The following PTCHD1 variants were observed in gnomAD, a reference collection of about 807,000 sequenced individuals.
The protein encoded by PTCHD1 is patched domain-containing protein 1.
In PTCHD1, 3 loss-of-function variants were observed where a neutral mutation model predicts 34.6. The ratio of observed to expected loss-of-function variants is 0.09; its 90% CI spans 0.04 to 0.22. PTCHD1 has a LOEUF of 0.22. PTCHD1 is among the 10% of genes least tolerant of loss of function. PTCHD1 has a pLI of 1.00. For missense variants in PTCHD1, 504 were observed against 685.5 expected, an observed-to-expected ratio of 0.74 and a Z score of 2.96; for synonymous variants, 305 against 283.1, an observed-to-expected ratio of 1.08 and a Z score of -0.77.
At chrX:23,337,375 A>G (rs1174504780) in intron 1 of PTCHD1, among the ~76,000 whole-genome samples, 1 of 111,986 alleles carries the variant, frequency 8.9e-6, no homozygotes, top group Non-Finnish European at 1.9e-5. Context: ...TACGGAACCA[A>G]GGAAATAACT....
chrX:23,388,890 G>C (rs765002171), intron 2 of PTCHD1, among the ~76,000 whole-genome samples: 26 of 111,393 alleles, frequency 2.3e-4, no homozygotes, highest in Admixed American at 7.5e-4. Flanking sequence ...TCCACTGAAA[G>C]AGGAAAGTGG....
At chrX:23,389,371 C>A (rs1922767635) in intron 2 of PTCHD1, among the ~76,000 whole-genome samples, 1 of 111,924 alleles carries the variant, frequency 8.9e-6, no homozygotes, top group South Asian at 3.7e-4. Flanking sequence ...CCAGGCACTC[C>A]AGGCTGTTAA....
intron 1 of PTCHD1, among the ~76,000 whole-genome samples, chrX:23,354,298 T>G (rs1386653721): frequency 9.1e-6 from 1 of 109,904 alleles, no homozygotes; most frequent in Non-Finnish European, 1.9e-5. Context: ...TCACAAAACT[T>G]TGAGTTAACG....
chrX:23,361,313 C>G (rs1310928520), intron 1 of PTCHD1, among the ~76,000 whole-genome samples: 4 of 111,616 alleles, frequency 3.6e-5, no homozygotes, highest in African/African-American at 1.3e-4. Context: ...TAAGCACTTG[C>G]CTTATGAATC....
At chrX:23,335,692 C>T (rs2146604873) in intron 1 of PTCHD1, among the ~76,000 whole-genome samples, 1 of 111,534 alleles carries the variant, frequency 9.0e-6, no homozygotes, top group East Asian at 2.8e-4. Context: ...TTCTGGCCCC[C>T]CGGAGTGTTT....
chrX:23,380,094 G>A lies in PTCHD1; in HGVS notation c.855G>A (p.Leu285=). The change falls in exon 2 of 3, where the codon CTG becomes CTA. Residue 285 remains leucine, a synonymous_variant. Transcript: ENST00000379361. ...SLILVVTMAI[L]CCSMQDCVRS... is the part of the protein sequence containing the mutation. ...TTCTGGTGGTTACCATGGCCATCCT[G>A]TGTTGCTCTATGCAGGACTGCGTCC... 10 of 1,211,977 alleles carry A rather than the reference G, an allele frequency of 8.3e-6. No homozygotes were observed. Among genetic ancestry groups the A allele is most frequent in the South Asian group, 7.0e-5 (4 of 57,003 alleles).
chrX:23,382,611 T>G (rs747985256), intron 2 of PTCHD1, among the ~76,000 whole-genome samples: 2 of 112,791 alleles, frequency 1.8e-5, no homozygotes, highest in East Asian at 5.6e-4. Context: ...GAACTTTACA[T>G]CACAGTTCAA....
intron 1 of PTCHD1, among the ~76,000 whole-genome samples, chrX:23,360,716 C>G (rs773495172): frequency 9.0e-6 from 1 of 111,356 alleles, no homozygotes; most frequent in Non-Finnish European, 1.9e-5. Flanking sequence ...GCTCTTGCTA[C>G]TCCAGTTCTT....
intron 1 of PTCHD1, among the ~76,000 whole-genome samples, chrX:23,368,409 G>C (rs949027199): frequency 8.9e-6 from 1 of 111,914 alleles, no homozygotes; most frequent in Non-Finnish European, 1.9e-5. Flanking sequence ...AGTAGCCTTT[G>C]GGTACAAATG....
intron 1 of PTCHD1, among the ~76,000 whole-genome samples, chrX:23,364,493 G>A (rs62584517): frequency 0.13 from 14,565 of 109,160 alleles, 931 homozygotes; most frequent in South Asian, 0.22. Context: ...ACAATGGTGA[G>A]TACCAAGAAG....
chrX:23,382,451 T>TCAACAC (rs1922590843), intron 2 of PTCHD1, among the ~76,000 whole-genome samples: 1 of 112,352 alleles, frequency 8.9e-6, no homozygotes, highest in African/African-American at 3.2e-5. Context: ...TAAGGCAAAG[T>TCAACAC]CAACACAAAA....
chrX:23,337,187 A>C (rs1220508968), intron 1 of PTCHD1, among the ~76,000 whole-genome samples: 1 of 112,254 alleles, frequency 8.9e-6, no homozygotes, highest in Non-Finnish European at 1.9e-5. Context: ...CCATATCTAA[A>C]GGGCAACTTT....
rs1043628939 is a variant in PTCHD1 at position 23,402,799 on chromosome X, AC to A, written c.*8615del. The A allele has an allele frequency of 8.9e-6, 1 of 112,600 alleles. No homozygotes were observed. Among genetic ancestry groups the A allele is most frequent in the African/African-American group, 3.2e-5 (1 of 31,026 alleles). The allele number at this position is 112,600 out of a possible 1,213,427, so 9.3% of individuals were successfully genotyped here. On this transcript the variant is annotated 3_prime_UTR_variant, in exon 3 of 3. Coordinates refer to ENST00000379361, the MANE Select transcript of PTCHD1 (RefSeq NM_173495.3). Reference sequence around the variant, plus strand: ...AAACTTCTCTCATTCCTCTAAATGTACAAAGGTTTCAAAGTTGTAAAAAATA... The same window carrying A: ...AAACTTCTCTCATTCCTCTAAATGTAAAAGGTTTCAAAGTTGTAAAAAATA...
Position 23,380,293 on chromosome X carries a change from G to A in PTCHD1, c.1012+42G>A, listed in dbSNP as rs746159018. The A allele has an allele frequency of 1.1e-5, 12 of 1,134,814 alleles. No homozygotes were observed. In the South Asian group the frequency reaches 1.6e-4, roughly 15 times the overall value. 93.5% of individuals were successfully genotyped at this position (1,134,814 alleles called of 1,213,427 possible). A position where few individuals can be genotyped will look rare whatever the true frequency, so the allele number is the denominator to read the frequency against. On this transcript the variant is annotated intron_variant, in intron 2 of 2. Transcript: ENST00000379361. ...TTTCTTCTGTTTCCGCCTGCTGGTG[G>A]TGTTGACTAGGTTCCTAAAAGGCCA...
In PTCHD1 at chrX:23,380,144, T is replaced by C. The variant is rs756771627; in HGVS notation, c.905T>C (p.Leu302Pro). ...CVRSKPWLGLLGLVTISLATL... is the reference protein window; with the variant it reads ...CVRSKPWLGLPGLVTISLATL... ...CGCAGCAAACCCTGGCTAGGCCTGC[T>C]CGGATTGGTGACCATAAGCCTGGCC... is the stretch of plus-strand genomic sequence containing the variant. Residue 302 changes from leucine (L) to proline (P), a missense_variant, in exon 2 of 3, where the codon CTC (leucine) becomes CCC (proline). Transcript: ENST00000379361. The C allele has an allele frequency of 8.3e-7, 1 of 1,211,557 alleles. No individual in the cohort carries two copies. Among genetic ancestry groups the C allele is most frequent in the Non-Finnish European group, 1.1e-6 (1 of 895,299 alleles).
rs1007227831 is a variant in PTCHD1, at chrX:23,347,233, A to G, written c.351+12007A>G. ...GGAATAGAAGACAGGAAAAAACTAT[A>G]CCACTAGAGAAATACTTGTGAAGGT... On this transcript the variant is annotated intron_variant, in intron 1 of 2. Coordinates refer to ENST00000379361, the MANE Select transcript of PTCHD1 (RefSeq NM_173495.3). Among the ~76,000 whole-genome samples, 12 of 112,201 alleles carry G rather than the reference A, an allele frequency of 1.1e-4. 1 individual carries two copies. The highest frequency in any genetic ancestry group is 3.9e-4 in the African/African-American group (12 of 30,836).
At chrX:23,358,981 G>T (rs761214849) in intron 1 of PTCHD1, among the ~76,000 whole-genome samples, 3 of 111,702 alleles carry the variant, frequency 2.7e-5, no homozygotes, top group Non-Finnish European at 5.6e-5. Flanking sequence ...TATTTCTGAG[G>T]CATCTGTTCT....
chrX:23,342,266 C>CA (rs1921331408), intron 1 of PTCHD1, among the ~76,000 whole-genome samples: 1 of 31,239 alleles, frequency 3.2e-5, no homozygotes, highest in Non-Finnish European at 6.0e-5. Context: ...GTGTTTCTCC[C>CA]TATATATATA....
At chrX:23,372,771 G>A (rs1327224120) in intron 1 of PTCHD1, among the ~76,000 whole-genome samples, 1 of 111,731 alleles carries the variant, frequency 9.0e-6, no homozygotes, top group African/African-American at 3.3e-5. Flanking sequence ...TGAGCATCGG[G>A]TCCTCTTAGA....
Sources: gnomAD v4.1 joint callset for allele counts (sites outside exome capture counted in the v4.1 genomes callset) on GRCh38, gnomAD v4.1.1 for gene constraint, MANE v1.5 for transcripts, NCBI Gene and HGNC (gene_info 2026-07-23, HGNC 2026-07-21) for gene names.